CDH4: variants seen among roughly 807,000 people sequenced by gnomAD.
The protein encoded by CDH4 is cadherin-4.
Under a neutral mutation model 86.0 loss-of-function variants are expected in CDH4, and 33 were observed. The observed-to-expected ratio is 0.38, with a 90% CI of 0.29 to 0.51. The LOEUF (loss-of-function observed/expected upper bound fraction) is 0.51, where lower values mean the gene tolerates loss of function less well. Among genes scored for constraint, CDH4 ranks in the 20% least tolerant of loss-of-function variants. The pLI is 0.86. For missense variants in CDH4, 1,114 were observed against 1,307.4 expected (o/e 0.85, Z 2.28); for synonymous variants, 555 against 549.4 (o/e 1.01, Z -0.14).
chr20:61,798,490 C>A (rs1292270402), intron 4 of CDH4, among the ~76,000 whole-genome samples: 4 of 152,222 alleles, frequency 2.6e-5, no homozygotes, highest in African/African-American at 9.6e-5. Context: ...CGCGCTGATT[C>A]CACTGCAGGC....
chr20:61,259,847 A>G (rs2084119413), intron 2 of CDH4, among the ~76,000 whole-genome samples: 1 of 152,140 alleles, frequency 6.6e-6, no homozygotes. Context: ...AGCTGTTTTT[A>G]TTCTTGATAA....
chr20:61,833,407 A>T (rs1046671678), intron 4 of CDH4, among the ~76,000 whole-genome samples: 1 of 152,104 alleles, frequency 6.6e-6, no homozygotes, highest in East Asian at 1.9e-4. Context: ...TAGTATGCAG[A>T]GCTCTCCGGG....
intron 2 of CDH4, among the ~76,000 whole-genome samples, chr20:61,498,444 C>T (rs946623148): frequency 6.6e-6 from 1 of 152,178 alleles, no homozygotes; most frequent in Non-Finnish European, 1.5e-5. Flanking sequence ...CAAACAGCTC[C>T]GACTTCCGGT....
intron 2 of CDH4, among the ~76,000 whole-genome samples, chr20:61,457,246 A>G (rs1294684319): frequency 6.6e-6 from 1 of 152,262 alleles, no homozygotes; most frequent in East Asian, 1.9e-4. Context: ...GATGTTACCA[A>G]CATCCCCAGT....
intron 4 of CDH4, among the ~76,000 whole-genome samples, chr20:61,812,692 A>G (rs1360070589): frequency 6.6e-6 from 1 of 152,198 alleles, no homozygotes; most frequent in Non-Finnish European, 1.5e-5. Context: ...TTGCCAGCCA[A>G]CGCCCTTTGG....
At chr20:61,559,643 C>T (rs949185980) in intron 2 of CDH4, among the ~76,000 whole-genome samples, 2 of 151,156 alleles carry the variant, frequency 1.3e-5, no homozygotes, top group African/African-American at 4.9e-5. Flanking sequence ...CTCAGCCTCC[C>T]GAGTAGCTGG....
At position 61,663,710 on chromosome 20, in the gene CDH4, A is replaced by G. The variant is rs1490882308; in HGVS notation, c.170-79853A>G. On this transcript the variant is annotated intron_variant, in intron 2 of 15. Transcript: ENST00000614565. This position sits in a 1 kb window ranked among gnomAD's most constrained non-coding sequence, Gnocchi z 5.0. ...CCGGCGGGAGCTGGCGGTACTGAGG[A>G]AGGACGTGCAGAACCAGGCAGGGCT... Among the ~76,000 whole-genome samples, 2 of 151,904 alleles carry G rather than the reference A, an allele frequency of 1.3e-5. No homozygotes were observed. The highest frequency in any genetic ancestry group is 4.8e-5 in the African/African-American group (2 of 41,318).
At chr20:61,781,225 CACAAA>C (rs1042909203) in intron 4 of CDH4, among the ~76,000 whole-genome samples, 1 of 139,960 alleles carries the variant, frequency 7.1e-6, no homozygotes, top group Non-Finnish European at 1.5e-5. Context: ...TCAGTATACA[CACAAA>C]AATTATTAGA....
chr20:61,789,658 C>T (rs892382949), intron 4 of CDH4, among the ~76,000 whole-genome samples: 7 of 152,240 alleles, frequency 4.6e-5, no homozygotes, highest in Admixed American at 2.6e-4. Context: ...CGTGCATGAG[C>T]CTGCCTTGCC....
rs567008845 is a variant in CDH4 at position 61,848,334 on chromosome 20, G to A, written c.732+3511G>A. 7.9e-5 allele frequency among the ~76,000 whole-genome samples: 12 copies of A among 151,660 alleles called. No individual in the cohort carries two copies. The South Asian group carries it at 1.9e-3, about 24-fold the overall frequency. On this transcript the variant is annotated intron_variant, in intron 5 of 15. Transcript: ENST00000614565. ...AGCCACCCACGTGGCTTGCCAGTGC[G>A]CAGACACTTTTGCACACACGTTGCC...
At position 61,361,806 on chromosome 20, in the gene CDH4, C is replaced by T. The variant is rs532774139; in HGVS notation, c.169+106869C>T. Among the ~76,000 whole-genome samples the T allele has an allele frequency of 1.2e-4, 18 of 152,284 alleles. No homozygotes were observed. The East Asian group carries it at 2.9e-3, about 25-fold the overall frequency. On this transcript the variant is annotated intron_variant, in intron 2 of 15. Transcript: ENST00000614565. ...GGAGGAGGTGCCGTGGTGCGGAACC[C>T]GGGGTGCCTGCCCGCAAGAAGAGGC...
intron 4 of CDH4, among the ~76,000 whole-genome samples, chr20:61,813,084 G>A (rs1980521900): frequency 6.6e-6 from 1 of 152,228 alleles, no homozygotes. Context: ...TTTTCAAACA[G>A]AGAGAGCAAG....
At chr20:61,877,916 C>A (rs552682950) in intron 7 of CDH4, among the ~76,000 whole-genome samples, 2 of 152,240 alleles carry the variant, frequency 1.3e-5, no homozygotes, top group East Asian at 3.9e-4. Flanking sequence ...GCTGGGAGGA[C>A]CCCCAGGCAG....
At chr20:61,407,689 C>T (rs956946110) in intron 2 of CDH4, among the ~76,000 whole-genome samples, 6 of 152,186 alleles carry the variant, frequency 3.9e-5, no homozygotes, top group Non-Finnish European at 7.3e-5. Flanking sequence ...ATTCTAGTAG[C>T]CCCATACTGG....
At chr20:61,732,317 G>T (rs2088200616) in intron 2 of CDH4, among the ~76,000 whole-genome samples, 1 of 152,152 alleles carries the variant, frequency 6.6e-6, no homozygotes. Flanking sequence ...GGGAAAAGGA[G>T]CTTTTGGAGT....
chr20:61,274,471 G>T (rs1364274240), intron 2 of CDH4, among the ~76,000 whole-genome samples: 1 of 144,304 alleles, frequency 6.9e-6, no homozygotes, highest in Non-Finnish European at 1.5e-5. Flanking sequence ...AAGACCATGT[G>T]CAGTTTAGGG....
chr20:61,600,007 T>A, intron 2 of CDH4: 21 of 929,430 alleles, frequency 2.3e-5, no homozygotes, highest in Non-Finnish European at 2.7e-5. Context: ...GTGCTAATGA[T>A]GGGGAAAGTG....
At chr20:61,365,372 G>A (rs2084805811) in intron 2 of CDH4, among the ~76,000 whole-genome samples, 1 of 152,198 alleles carries the variant, frequency 6.6e-6, no homozygotes. Flanking sequence ...TCAAGAACAT[G>A]GGCGTGGCTG....
chr20:61,333,288 T>C (rs1395438904), intron 2 of CDH4, among the ~76,000 whole-genome samples: 2 of 127,412 alleles, frequency 1.6e-5, no homozygotes, highest in Admixed American at 1.5e-4. Flanking sequence ...CACACACACA[T>C]GCACACACAC....
Sources: gnomAD v4.1 joint callset for allele counts (sites outside exome capture counted in the v4.1 genomes callset) on GRCh38, gnomAD v4.1.1 for gene constraint, Gnocchi (gnomAD v3.1) non-coding constraint, MANE v1.5 for transcripts, NCBI Gene and HGNC (gene_info 2026-07-23, HGNC 2026-07-21) for gene names.